Variants in ZFPM2 observed in about 807,000 individuals in gnomAD.
ZFPM2 encodes zinc finger protein ZFPM2.
In ZFPM2, 20 loss-of-function variants were observed where a neutral mutation model predicts 98.6. That is an observed-to-expected ratio of 0.20 (90% CI 0.14 to 0.29). ZFPM2 has a LOEUF of 0.29. Among genes scored for constraint, ZFPM2 ranks in the 10% least tolerant of loss-of-function variants. The pLI is 1.00. For missense variants in ZFPM2, 1,310 were observed against 1,388.6 expected, an observed-to-expected ratio of 0.94 and a Z score of 0.90; for synonymous variants, 518 against 502.7, an observed-to-expected ratio of 1.03 and a Z score of -0.41.
At chr8:105,619,801 A>C (rs1451914436) in intron 4 of ZFPM2, among the ~76,000 whole-genome samples, 2 of 151,252 alleles carry the variant, frequency 1.3e-5, no homozygotes. Context: ...CTGTCCTTGC[A>C]ATAGTTTCCT....
chr8:105,366,184 C>T (rs1810504520), intron 1 of ZFPM2, among the ~76,000 whole-genome samples: 1 of 152,102 alleles, frequency 6.6e-6, no homozygotes, highest in Admixed American at 6.6e-5. Context: ...AGGTCAGTTG[C>T]TTCTTCATTG....
chr8:105,780,166 G>T (rs879272531), intron 5 of ZFPM2: 5 of 152,198 alleles, frequency 3.3e-5, no homozygotes, highest in Non-Finnish European at 7.3e-5. Context: ...GAAGACTGAG[G>T]AGAGTGACTA....
intron 7 of ZFPM2, among the ~76,000 whole-genome samples, chr8:105,799,409 T>C (rs1180397419): frequency 6.6e-6 from 1 of 152,200 alleles, no homozygotes; most frequent in East Asian, 1.9e-4. Context: ...TTCAGGGATG[T>C]TTACTTTTAA....
intron 2 of ZFPM2, among the ~76,000 whole-genome samples, chr8:105,443,855 C>T (rs1402790077): frequency 1.3e-5 from 2 of 152,074 alleles, no homozygotes; most frequent in Admixed American, 6.6e-5. Flanking sequence ...AATCTAAATT[C>T]AACCAAAACC....
intron 4 of ZFPM2, among the ~76,000 whole-genome samples, chr8:105,614,924 G>T (rs1816382072): frequency 6.6e-6 from 1 of 152,092 alleles, no homozygotes; most frequent in Admixed American, 6.6e-5. Context: ...TCATGCTTGA[G>T]ATTTTACTAT....
chr8:105,455,050 A>G (rs897221923), intron 3 of ZFPM2, among the ~76,000 whole-genome samples: 1 of 152,200 alleles, frequency 6.6e-6, no homozygotes, highest in African/African-American at 2.4e-5. Flanking sequence ...TGAAAATTCA[A>G]AATCCAAAAT....
intron 4 of ZFPM2, among the ~76,000 whole-genome samples, chr8:105,618,363 G>A (rs746165658): frequency 2.6e-5 from 4 of 152,052 alleles, no homozygotes; most frequent in Non-Finnish European, 5.9e-5. Context: ...TGACTTTTTA[G>A]ACTCTCAGTT....
rs76562311 is a variant in ZFPM2 at position 105,686,273 on chromosome 8, C to A, written c.532+51916C>A. Among the ~76,000 whole-genome samples, 697 of 152,150 alleles carry A rather than the reference C, an allele frequency of 4.6e-3. 7 individuals are homozygous for A. Among genetic ancestry groups the A allele is most frequent in the African/African-American group, 0.016 (658 of 41,516 alleles). On this transcript the variant is annotated intron_variant, in intron 5 of 7. Transcript: ENST00000407775. ...TCAGTTCCTAGTTCAGCTTGCCAAC[C>A]AAGACAATTAAACAGTCGTTTTGCT...
At chr8:105,494,858 G>A (rs1309018746) in intron 3 of ZFPM2, among the ~76,000 whole-genome samples, 2 of 152,124 alleles carry the variant, frequency 1.3e-5, no homozygotes, top group Non-Finnish European at 2.9e-5. Flanking sequence ...GCAAATAAAA[G>A]GATACCATGT....
At chr8:105,617,021 A>G (rs796482153) in intron 4 of ZFPM2, among the ~76,000 whole-genome samples, 712 of 31,318 alleles carry the variant, frequency 0.023, 5 homozygotes, top group African/African-American at 0.062. Flanking sequence ...CTCTGTCTCG[A>G]AAAAAAAAAA....
intron 5 of ZFPM2, among the ~76,000 whole-genome samples, chr8:105,752,464 G>T (rs1202903055): frequency 6.6e-6 from 1 of 152,144 alleles, no homozygotes; most frequent in Admixed American, 6.6e-5. Context: ...CAGATCAATA[G>T]ATTATTTACT....
chr8:105,419,407 C>A (rs141007161), intron 2 of ZFPM2, 105 bp downstream of exon 2: 3 of 1,359,444 alleles, frequency 2.2e-6, no homozygotes, highest in African/African-American at 1.5e-5. Context: ...ATAATTCAGC[C>A]GTCTGAAAAT....
At chr8:105,609,398 A>T (rs73309976) in intron 4 of ZFPM2, among the ~76,000 whole-genome samples, 1,819 of 152,286 alleles carry the variant, frequency 0.012, 30 homozygotes, top group African/African-American at 0.041. Flanking sequence ...TCAAGTCATC[A>T]TTCTAGAAAG....
At chr8:105,328,579 A>G (rs1812157354) in intron 1 of ZFPM2, among the ~76,000 whole-genome samples, 1 of 151,874 alleles carries the variant, frequency 6.6e-6, no homozygotes, top group Non-Finnish European at 1.5e-5. Flanking sequence ...GTAGGAAGCC[A>G]GCTAACCTAG....
At chr8:105,507,748 A>C (rs1309174009) in intron 3 of ZFPM2, among the ~76,000 whole-genome samples, 3 of 152,166 alleles carry the variant, frequency 2.0e-5, no homozygotes, top group Non-Finnish European at 2.9e-5. Context: ...TGTCTTATTT[A>C]GTCTTGGGGA....
chr8:105,802,261 C>T lies in ZFPM2; in HGVS notation c.2179C>T (p.Pro727Ser), dbSNP rs751771082. The part of the protein sequence containing the change: ...PLKRSASNKV[P>S]AMQRTMRTRK... ...GAAGAGGTCTGCTTCCAACAAAGTG[C>T]CTGCCATGCAGAGAACCATGCGCAC... Residue 727 changes from proline to serine, a missense_variant, in exon 8 of 8, where the codon CCT becomes TCT. Pro to Ser is a moderately conservative substitution (Grantham distance 74). Coordinates refer to ENST00000407775, the MANE Select transcript of ZFPM2 (RefSeq NM_012082.4). 2.5e-6 allele frequency: 4 copies of T among 1,613,726 alleles called. No individual in the cohort carries two copies. Among genetic ancestry groups the T allele is most frequent in the East Asian group, 2.2e-5 (1 of 44,844 alleles).
rs185191827 is a variant in ZFPM2 at position 105,443,165 on chromosome 8, C to T, written c.200-1115C>T. ...CTCTACTAAAAATACAAAAATTAGC[C>T]GGGCGTGGTGGCAGGCACCTGTAAT... On this transcript the variant is annotated intron_variant, in intron 2 of 7. Transcript: ENST00000407775. Among the ~76,000 whole-genome samples the T allele has an allele frequency of 1.6e-3, 243 of 151,624 alleles. 1 individual carries two copies. Among genetic ancestry groups the T allele is most frequent in the African/African-American group, 5.7e-3 (234 of 41,294 alleles).
intron 4 of ZFPM2, among the ~76,000 whole-genome samples, chr8:105,573,693 T>C (rs1295915304): frequency 6.6e-6 from 1 of 152,214 alleles, no homozygotes; most frequent in Non-Finnish European, 1.5e-5. Flanking sequence ...ACGTGATTTG[T>C]ACAAAAATTT....
At chr8:105,393,719 C>T (rs1451585708) in intron 1 of ZFPM2, among the ~76,000 whole-genome samples, 3 of 151,786 alleles carry the variant, frequency 2.0e-5, no homozygotes, top group South Asian at 4.2e-4. Context: ...TGTTTATTTA[C>T]CAGAGAGTTT....
Sources: allele counts gnomAD v4.1 joint callset (sites outside exome capture counted in the v4.1 genomes callset), GRCh38; gene constraint gnomAD v4.1.1; transcripts MANE v1.5; gene names NCBI Gene and HGNC (gene_info 2026-07-23, HGNC 2026-07-21).